PCSK2: variants seen among roughly 807,000 people sequenced by gnomAD.
PCSK2 encodes the protein proprotein convertase subtilisin/kexin type 2.
A neutral mutation model predicts 69.7 loss-of-function variants in PCSK2; 14 were observed. The ratio of observed to expected loss-of-function variants is 0.20; its 90% confidence interval spans 0.13 to 0.31. The LOEUF is 0.31. Ranked by LOEUF, PCSK2 falls within the 10% of genes least tolerant of loss-of-function variation. PCSK2 has a pLI of 1.00. For missense variants in PCSK2, 544 were observed against 842.5 expected (o/e 0.65, Z 4.39); for synonymous variants, 307 against 320.7 (o/e 0.96, Z 0.46).
At chr20:17,255,532 G>A (rs557300930) in intron 1 of PCSK2, among the ~76,000 whole-genome samples, 4 of 152,132 alleles carry the variant, frequency 2.6e-5, no homozygotes, top group East Asian at 1.9e-4. Context: ...TAGTAGAGAC[G>A]AGGTTTCACT....
At chr20:17,411,122 A>G (rs1325523851) in intron 6 of PCSK2, among the ~76,000 whole-genome samples, 1 of 152,228 alleles carries the variant, frequency 6.6e-6, no homozygotes, top group Admixed American at 6.5e-5. Context: ...CCACTCCAAG[A>G]TGGCCAAATA....
At chr20:17,288,116 G>T (rs1364876914) in intron 2 of PCSK2, among the ~76,000 whole-genome samples, 1 of 152,184 alleles carries the variant, frequency 6.6e-6, no homozygotes, top group Non-Finnish European at 1.5e-5. Context: ...ACCTGATCAA[G>T]CTGGACTCCT....
intron 10 of PCSK2, among the ~76,000 whole-genome samples, chr20:17,458,790 A>G (rs972359627): frequency 1.3e-5 from 2 of 152,236 alleles, no homozygotes; most frequent in Admixed American, 1.3e-4. Context: ...GTTTAATATC[A>G]TAATGTACTT....
chr20:17,464,632 T>C (rs2033068648), intron 10 of PCSK2: 2 of 152,380 alleles, frequency 1.3e-5, no homozygotes, highest in South Asian at 4.1e-4. Flanking sequence ...TTTTTATATT[T>C]TAAACAGATG....
Position 17,303,499 on chromosome 20 carries a change from TA to T in PCSK2, c.282+43157del, listed in dbSNP as rs1225910207. Among the ~76,000 whole-genome samples, 22 of 37,424 alleles carry T rather than the reference TA, an allele frequency of 5.9e-4. No individual in the cohort carries two copies. The East Asian group carries it at 0.018, about 30-fold the overall frequency. The allele number at this position is 37,424 out of a possible 152,430, so 24.6% of individuals were successfully genotyped here. A position where few individuals can be genotyped will look rare whatever the true frequency, so the allele number is the denominator to read the frequency against. On this transcript the variant is annotated intron_variant, in intron 2 of 11. Transcript: ENST00000262545. ...TATATAATATATATTATATTTAATA[TA>T]ATATATATTATATATAATATAATAT...
chr20:17,285,873 A>T (rs144751820), intron 2 of PCSK2, among the ~76,000 whole-genome samples: 12 of 152,352 alleles, frequency 7.9e-5, no homozygotes, highest in African/African-American at 1.4e-4. Context: ...TAATGGCAGT[A>T]CTAGTGGCCT....
intron 6 of PCSK2, among the ~76,000 whole-genome samples, chr20:17,422,367 G>T (rs1406065416): frequency 6.6e-6 from 1 of 152,050 alleles, no homozygotes; most frequent in Non-Finnish European, 1.5e-5. Flanking sequence ...CTAAGAAAAG[G>T]TGTGAGATCA....
At chr20:17,368,003 C>T (rs1468546100) in intron 4 of PCSK2, among the ~76,000 whole-genome samples, 1 of 152,064 alleles carries the variant, frequency 6.6e-6, no homozygotes, top group African/African-American at 2.4e-5. Flanking sequence ...TCATCAAAAT[C>T]AACAGTGAAA....
intron 2 of PCSK2, among the ~76,000 whole-genome samples, chr20:17,271,284 T>C (rs1292961368): frequency 2.0e-5 from 3 of 151,962 alleles, no homozygotes; most frequent in Non-Finnish European, 4.4e-5. Context: ...GAGATAGAGG[T>C]TATTCATCCA....
chr20:17,340,879 C>G lies in PCSK2; in HGVS notation c.283-17448C>G, dbSNP rs139492157. Among the ~76,000 whole-genome samples the G allele has an allele frequency of 5.0e-3, 768 of 152,276 alleles. 4 individuals carry two copies. Among genetic ancestry groups the G allele is most frequent in the African/African-American group, 0.018 (735 of 41,538 alleles). ...ACCACCAGACTCACTGCTGGGTTGT[C>G]CCTGATCTGTCCATTAACTAAGTCA... On this transcript the variant is annotated intron_variant, in intron 2 of 11. Transcript: ENST00000262545.
chr20:17,233,773 C>T (rs1391015917), intron 1 of PCSK2, among the ~76,000 whole-genome samples: 1 of 152,150 alleles, frequency 6.6e-6, no homozygotes, highest in Non-Finnish European at 1.5e-5. Context: ...TCATGGGCTG[C>T]AGCAAGACCA....
chr20:17,442,487 T>C (rs1389261461), intron 8 of PCSK2, among the ~76,000 whole-genome samples: 5 of 152,122 alleles, frequency 3.3e-5, no homozygotes, highest in Admixed American at 1.3e-4. Flanking sequence ...TGCTCACTGT[T>C]CAAGGTCACC....
chr20:17,346,771 TATA>T (rs1302651331), intron 2 of PCSK2, among the ~76,000 whole-genome samples: 8 of 152,168 alleles, frequency 5.3e-5, no homozygotes, highest in Non-Finnish European at 1.2e-4. Context: ...TTTTCCTTAA[TATA>T]ATTTCCTAAA....
At chr20:17,374,719 G>C (rs1031837511) in intron 5 of PCSK2, among the ~76,000 whole-genome samples, 1 of 152,166 alleles carries the variant, frequency 6.6e-6, no homozygotes, top group Non-Finnish European at 1.5e-5. Context: ...GGGAACTCTG[G>C]GAAACAGTGT....
chr20:17,445,997 C>T (rs190745646), intron 8 of PCSK2, among the ~76,000 whole-genome samples: 1 of 152,214 alleles, frequency 6.6e-6, no homozygotes, highest in South Asian at 2.1e-4. Flanking sequence ...TCAGGAAACC[C>T]CTCAATCCTG....
chr20:17,333,910 CATATAT>C (rs3076241), intron 2 of PCSK2, among the ~76,000 whole-genome samples: 29,907 of 86,434 alleles, frequency 0.35, 6,211 homozygotes, highest in Middle Eastern at 0.44. Context: ...TAAGTCACTG[CATATAT>C]ATATATATAT....
intron 2 of PCSK2, among the ~76,000 whole-genome samples, chr20:17,319,099 T>C (rs1213427097): frequency 2.6e-5 from 4 of 152,260 alleles, no homozygotes; most frequent in Non-Finnish European, 5.9e-5. Flanking sequence ...TTGTAAATTG[T>C]AACTAATTTC....
At chr20:17,250,151 A>G (rs1456018616) in intron 1 of PCSK2, among the ~76,000 whole-genome samples, 1 of 152,218 alleles carries the variant, frequency 6.6e-6, no homozygotes, top group African/African-American at 2.4e-5. Context: ...ACTATTAGCT[A>G]CAGGCCTTAT....
intron 2 of PCSK2, among the ~76,000 whole-genome samples, chr20:17,349,193 A>G (rs1177984095): frequency 6.6e-6 from 1 of 152,182 alleles, no homozygotes; most frequent in Non-Finnish European, 1.5e-5. Flanking sequence ...CCCCACAGCC[A>G]GAGAACAACA....
Sources: allele counts gnomAD v4.1 joint callset (sites outside exome capture counted in the v4.1 genomes callset), GRCh38; gene constraint gnomAD v4.1.1; transcripts MANE v1.5; gene names NCBI Gene and HGNC (gene_info 2026-07-23, HGNC 2026-07-21).